Variants in DTNB observed in about 807,000 individuals in gnomAD.
DTNB encodes the protein DTN-B.
Under a neutral mutation model 90.7 loss-of-function variants are expected in DTNB, and 63 were observed. The observed-to-expected ratio is 0.69, with a 90% CI of 0.57 to 0.86. The LOEUF (loss-of-function observed/expected upper bound fraction) is 0.86. DTNB is among the 40% of genes least tolerant of loss of function. DTNB has a pLI of 0.00. For missense variants in DTNB, 744 were observed against 807.1 expected (o/e 0.92, Z 0.95); for synonymous variants, 277 against 286.7 (o/e 0.97, Z 0.34).
At chr2:25,549,782 T>G (rs2151092359) in intron 8 of DTNB, among the ~76,000 whole-genome samples, 1 of 152,226 alleles carries the variant, frequency 6.6e-6, no homozygotes, top group East Asian at 1.9e-4. Context: ...CACCTCAGCC[T>G]GCCAAGTAGC....
At chr2:25,393,475 A>C (rs2041689505) in intron 16 of DTNB, among the ~76,000 whole-genome samples, 1 of 152,188 alleles carries the variant, frequency 6.6e-6, no homozygotes, top group Non-Finnish European at 1.5e-5. Context: ...TTGTATACCT[A>C]GAAAATTCTA....
chr2:25,671,875 G>A (rs2085992135), intron 1 of DTNB, among the ~76,000 whole-genome samples: 1 of 152,168 alleles, frequency 6.6e-6, no homozygotes, highest in Non-Finnish European at 1.5e-5. Flanking sequence ...TTCAACCAAG[G>A]CAGAGCACAG....
At chr2:25,448,170 A>C (rs187274571) in intron 12 of DTNB, among the ~76,000 whole-genome samples, 49 of 152,340 alleles carry the variant, frequency 3.2e-4, no homozygotes, top group Admixed American at 9.8e-4. Context: ...TCCACTGCAC[A>C]TAATAATTTG....
At chr2:25,385,908 G>C (rs1211382538) in intron 18 of DTNB, 2 of 552,492 alleles carry the variant, frequency 3.6e-6, no homozygotes, top group Admixed American at 1.3e-4. Flanking sequence ...CTAATAAGTG[G>C]CCATGAAGTA....
At chr2:25,594,118 C>T (rs953169581) in intron 6 of DTNB, among the ~76,000 whole-genome samples, 1 of 152,190 alleles carries the variant, frequency 6.6e-6, no homozygotes, top group Non-Finnish European at 1.5e-5. Context: ...TCATACTCAT[C>T]TTCACTTACG....
At chr2:25,517,411 G>C (rs2075321081) in intron 9 of DTNB, among the ~76,000 whole-genome samples, 1 of 151,992 alleles carries the variant, frequency 6.6e-6, no homozygotes, top group Admixed American at 6.6e-5. Flanking sequence ...CTGTCACAGT[G>C]GGTGAAATTT....
At chr2:25,415,481 C>T (rs754551174) in intron 16 of DTNB, among the ~76,000 whole-genome samples, 2 of 151,914 alleles carry the variant, frequency 1.3e-5, no homozygotes, top group Admixed American at 1.3e-4. Flanking sequence ...TTCTAAAACC[C>T]GTGGAATCTC....
intron 8 of DTNB, among the ~76,000 whole-genome samples, chr2:25,573,011 G>T (rs1235672928): frequency 6.6e-6 from 1 of 151,896 alleles, no homozygotes; most frequent in Non-Finnish European, 1.5e-5. Context: ...CACGATCTCG[G>T]CTCACTGCAA....
chr2:25,641,046 C>T (rs1021329152), intron 2 of DTNB, among the ~76,000 whole-genome samples: 13 of 151,866 alleles, frequency 8.6e-5, no homozygotes, highest in African/African-American at 2.2e-4. Flanking sequence ...AAGCTCCATA[C>T]GCTCCAGCCA....
chr2:25,442,523 G>A (rs1044718152), intron 12 of DTNB, among the ~76,000 whole-genome samples: 2 of 152,186 alleles, frequency 1.3e-5, no homozygotes, highest in Admixed American at 6.5e-5. Context: ...AGGTCGATGC[G>A]CTGCTCTAAG....
intron 5 of DTNB, among the ~76,000 whole-genome samples, chr2:25,597,297 C>T (rs1174454158): frequency 2.0e-5 from 3 of 151,798 alleles, no homozygotes; most frequent in Non-Finnish European, 2.9e-5. Context: ...CATGATCACA[C>T]CACTGCACTC....
intron 4 of DTNB, among the ~76,000 whole-genome samples, chr2:25,614,487 T>C (rs557633842): frequency 6.6e-6 from 1 of 152,294 alleles, no homozygotes; most frequent in South Asian, 2.1e-4. Context: ...AAGGTCAACA[T>C]AAAAAATTCA....
intron 9 of DTNB, among the ~76,000 whole-genome samples, chr2:25,520,736 GA>G (rs998437914): frequency 1.3e-5 from 2 of 151,882 alleles, no homozygotes; most frequent in Non-Finnish European, 2.9e-5. Context: ...TGAGGTATAG[GA>G]AAAAAACAAC....
chr2:25,474,792 T>C (rs1261833422), intron 10 of DTNB, among the ~76,000 whole-genome samples: 2 of 152,218 alleles, frequency 1.3e-5, no homozygotes, highest in Non-Finnish European at 2.9e-5. Flanking sequence ...ACTTGGTGTC[T>C]CTGTGCCACA....
chr2:25,409,221 A>G (rs1043916273), intron 16 of DTNB, among the ~76,000 whole-genome samples: 1 of 152,164 alleles, frequency 6.6e-6, no homozygotes, highest in African/African-American at 2.4e-5. Context: ...AATAAACCCA[A>G]CTGGATTTCA....
intron 19 of DTNB, among the ~76,000 whole-genome samples, chr2:25,383,239 G>C (rs1222243077): frequency 7.1e-6 from 1 of 140,970 alleles, no homozygotes; most frequent in Non-Finnish European, 1.5e-5. Flanking sequence ...TTTGGAGATG[G>C]AGTTTCACTC....
chr2:25,591,134 CGCCAGGCAGCGGGAGCAGGGAGAT>C (rs1465630499), intron 6 of DTNB, among the ~76,000 whole-genome samples: 5 of 152,102 alleles, frequency 3.3e-5, no homozygotes, highest in Admixed American at 6.5e-5. Context: ...AGCAGGGAGA[CGCCAGGCAGCGGGAGCAGGGAGAT>C]GCCAGGCAGC....
chr2:25,555,527 C>T (rs2057182928), intron 8 of DTNB, among the ~76,000 whole-genome samples: 1 of 151,956 alleles, frequency 6.6e-6, no homozygotes, highest in Admixed American at 6.6e-5. Context: ...ATAAACAGGG[C>T]TTTTTTCCTT....
intron 16 of DTNB, among the ~76,000 whole-genome samples, chr2:25,401,028 C>T (rs1388565973): frequency 6.6e-6 from 1 of 152,184 alleles, no homozygotes; most frequent in East Asian, 1.9e-4. Flanking sequence ...CCCCAGCAAA[C>T]TAGCTTGTTT....
Sources: gnomAD v4.1 joint callset for allele counts (sites outside exome capture counted in the v4.1 genomes callset) on GRCh38, gnomAD v4.1.1 for gene constraint, MANE v1.5 for transcripts, NCBI Gene and HGNC (gene_info 2026-07-23, HGNC 2026-07-21) for gene names.